Variants in NEXN observed in about 807,000 individuals in gnomAD.
The protein encoded by NEXN is nexilin F-actin binding protein.
NEXN carries 65 observed loss-of-function variants against 92.6 expected under a neutral mutation model. The observed-to-expected ratio is 0.70, with a 90% CI of 0.57 to 0.86. The LOEUF (loss-of-function observed/expected upper bound fraction) is 0.86. Among genes scored for constraint, NEXN ranks in the 40% least tolerant of loss-of-function variants. The pLI, the probability that NEXN is intolerant of heterozygous loss-of-function variation, is 0.00. For missense variants in NEXN, 778 were observed against 771.1 expected, an observed-to-expected ratio of 1.01 and a Z score of -0.11; for synonymous variants, 254 against 242.5, an observed-to-expected ratio of 1.05 and a Z score of -0.44.
intron 8 of NEXN, 42 bp from the exon 9 acceptor site, chr1:77,929,274 G>T: frequency 2.9e-6 from 4 of 1,387,980 alleles, no homozygotes; most frequent in Non-Finnish European, 4.1e-6. Flanking sequence ...TCCTTTTTCT[G>T]ATGAACCTCA....
intron 1 of NEXN, among the ~76,000 whole-genome samples, chr1:77,905,981 C>T (rs1648083198): frequency 6.6e-6 from 1 of 151,832 alleles, no homozygotes; most frequent in South Asian, 2.1e-4. Flanking sequence ...ATTTAATCTA[C>T]TAAAGTGTAT....
In NEXN at chr1:77,931,412, C is replaced by CA. The variant is rs138490881; in HGVS notation, c.1054-1841dup. On this transcript the variant is annotated intron_variant, in intron 9 of 12. Coordinates refer to ENST00000334785, the MANE Select transcript of NEXN (RefSeq NM_144573.4). ...TGGGGGACAGAGTGAGACTCCGTCT[C>CA]AAAAAAAAAAAAAAAAAAAAAAAAA... 1.1e-3 allele frequency among the ~76,000 whole-genome samples: 66 copies of CA among 57,588 alleles called. 4 individuals are homozygous for CA. The highest frequency in any genetic ancestry group is 3.6e-3 in the South Asian group (3 of 834). The allele number at this position is 57,588 out of a possible 152,430, so 37.8% of individuals were successfully genotyped here. A position where few individuals can be genotyped will look rare whatever the true frequency, so the allele number is the denominator to read the frequency against.
intron 1 of NEXN, among the ~76,000 whole-genome samples, chr1:77,902,749 A>C (rs923581816): frequency 6.6e-6 from 1 of 152,188 alleles, no homozygotes; most frequent in African/African-American, 2.4e-5. Context: ...GATATGTCTG[A>C]GATGTTTACC....
intron 1 of NEXN, among the ~76,000 whole-genome samples, chr1:77,895,602 G>A (rs1341854096): frequency 2.6e-5 from 4 of 151,814 alleles, no homozygotes; most frequent in Admixed American, 6.6e-5. Flanking sequence ...TGTGGCTCAC[G>A]CCTGTAATTC....
At chr1:77,911,910 C>T (rs1222891810) in intron 1 of NEXN, among the ~76,000 whole-genome samples, 1 of 151,778 alleles carries the variant, frequency 6.6e-6, no homozygotes, top group African/African-American at 2.4e-5. Context: ...GAAACCCCGT[C>T]TCTACTAAAA....
intron 12 of NEXN, 23 bp from the exon 13 acceptor site, chr1:77,942,438 T>G: frequency 6.2e-7 from 1 of 1,602,830 alleles, no homozygotes; most frequent in Non-Finnish European, 8.5e-7. Flanking sequence ...AATGCCAACC[T>G]GAATGCATTT....
At chr1:77,904,617 C>T (rs745334935) in intron 1 of NEXN, among the ~76,000 whole-genome samples, 6 of 152,084 alleles carry the variant, frequency 3.9e-5, no homozygotes, top group Non-Finnish European at 5.9e-5. Flanking sequence ...TGATCCCCTG[C>T]AATCTGGGAA....
intron 1 of NEXN, among the ~76,000 whole-genome samples, chr1:77,890,259 T>C (rs1366971688): frequency 6.6e-6 from 1 of 152,246 alleles, no homozygotes; most frequent in Non-Finnish European, 1.5e-5. Flanking sequence ...TGCAATTATG[T>C]AGTTTATCTG....
intron 1 of NEXN, among the ~76,000 whole-genome samples, chr1:77,894,389 C>T (rs898675634): frequency 2.6e-5 from 4 of 152,106 alleles, no homozygotes; most frequent in African/African-American, 9.7e-5. Flanking sequence ...TTTATAGTAT[C>T]ATTTTTACTT....
At chr1:77,903,089 A>G (rs939215672) in intron 1 of NEXN, among the ~76,000 whole-genome samples, 1 of 152,196 alleles carries the variant, frequency 6.6e-6, no homozygotes, top group African/African-American at 2.4e-5. Context: ...ATGATGCACT[A>G]CACAGTTAAC....
At chr1:77,937,936 G>A (rs150564944) in intron 11 of NEXN, among the ~76,000 whole-genome samples, 2 of 152,266 alleles carry the variant, frequency 1.3e-5, no homozygotes, top group African/African-American at 2.4e-5. Flanking sequence ...TTTGTACAGC[G>A]TGGTCAGAGG....
At chr1:77,911,244 A>C (rs1245301320) in intron 1 of NEXN, among the ~76,000 whole-genome samples, 1 of 152,344 alleles carries the variant, frequency 6.6e-6, no homozygotes, top group East Asian at 1.9e-4. Context: ...ATGACGTCAC[A>C]AGTGGAAAAT....
intron 5 of NEXN, among the ~76,000 whole-genome samples, chr1:77,920,433 G>C (rs1649328703): frequency 6.6e-6 from 1 of 151,942 alleles, no homozygotes; most frequent in South Asian, 2.1e-4. Context: ...TGACCTACAA[G>C]ATTTGGAGAT....
chr1:77,934,931 C>G (rs1650628035), intron 10 of NEXN, among the ~76,000 whole-genome samples: 1 of 152,092 alleles, frequency 6.6e-6, no homozygotes, highest in Admixed American at 6.6e-5. Context: ...ACCATAAAAT[C>G]AAAAGTAGGA....
intron 5 of NEXN, among the ~76,000 whole-genome samples, chr1:77,923,679 CTTTTTTT>C: frequency 1.2e-5 from 1 of 83,120 alleles, no homozygotes; most frequent in African/African-American, 4.3e-5. Flanking sequence ...ATTGAGCTCT[CTTTTTTT>C]TTTTTTTTTT....
At chr1:77,914,170 T>G (rs1262066864) in intron 1 of NEXN, among the ~76,000 whole-genome samples, 2 of 152,220 alleles carry the variant, frequency 1.3e-5, no homozygotes, top group African/African-American at 4.8e-5. Flanking sequence ...CATGTCATTG[T>G]ACATTTACCC....
At chr1:77,912,295 T>C (rs542885160) in intron 1 of NEXN, among the ~76,000 whole-genome samples, 1 of 152,284 alleles carries the variant, frequency 6.6e-6, no homozygotes, top group South Asian at 2.1e-4. Context: ...TGAGAAATTA[T>C]AGAATATGTA....
In NEXN at chr1:77,942,910, C is replaced by A; in HGVS notation, c.*81C>A. 1 of 1,488,588 alleles carries A rather than the reference C, an allele frequency of 6.7e-7. No individual in the cohort carries two copies. Among genetic ancestry groups the A allele is most frequent in the Non-Finnish European group, 9.1e-7 (1 of 1,093,582 alleles). The allele number at this position is 1,488,588 out of a possible 1,614,324, so 92.2% of individuals were successfully genotyped here. On this transcript the variant is annotated 3_prime_UTR_variant, in exon 13 of 13. Coordinates refer to ENST00000334785, the MANE Select transcript of NEXN (RefSeq NM_144573.4). ...TCTTCTCTTTTTTAGCTGATGACTA[C>A]TAGCTCCCCTCCCCTCTCCCTGGAA...
At chr1:77,891,221 G>T (rs1647098585) in intron 1 of NEXN, among the ~76,000 whole-genome samples, 1 of 152,082 alleles carries the variant, frequency 6.6e-6, no homozygotes, top group African/African-American at 2.4e-5. Context: ...GTATTATAAT[G>T]TTAATACACC....
Sources: gnomAD v4.1 joint callset for allele counts (sites outside exome capture counted in the v4.1 genomes callset) on GRCh38, gnomAD v4.1.1 for gene constraint, MANE v1.5 for transcripts, NCBI Gene and HGNC (gene_info 2026-07-23, HGNC 2026-07-21) for gene names.